LRRIQ1: variants seen among roughly 807,000 people sequenced by gnomAD.
LRRIQ1 encodes the protein leucine rich repeats and IQ motif containing 1.
A neutral mutation model predicts 211.9 loss-of-function variants in LRRIQ1; 210 were observed. That is an observed-to-expected ratio of 0.99 (90% CI 0.89 to 1.11). LRRIQ1 has a LOEUF of 1.11. Among genes scored for constraint, LRRIQ1 ranks in the 50% most tolerant of loss-of-function variants. The pLI, the probability that LRRIQ1 is intolerant of heterozygous loss-of-function variation, is 0.00. For missense variants in LRRIQ1, 2,136 were observed against 1,939.5 expected (o/e 1.10, Z -1.90); for synonymous variants, 699 against 650.1 (o/e 1.08, Z -1.14).
intron 18 of LRRIQ1, among the ~76,000 whole-genome samples, chr12:85,130,932 G>A (rs556063083): frequency 7.2e-5 from 11 of 152,048 alleles, no homozygotes; most frequent in South Asian, 2.1e-4. Context: ...ATGATAGGCC[G>A]GGCGCAGTGG....
At chr12:85,272,038 T>C in the LRRIQ1 span, among the ~76,000 whole-genome samples, 1 of 152,198 alleles carries the variant, frequency 6.6e-6, no homozygotes, top group African/African-American at 2.4e-5. Context: ...TGTTCACCTC[T>C]AGAACTAAAT....
intron 24 of LRRIQ1, among the ~76,000 whole-genome samples, chr12:85,210,552 A>C (rs1474001828): frequency 2.6e-5 from 4 of 152,188 alleles, no homozygotes; most frequent in African/African-American, 4.8e-5. Context: ...AATTTTTACA[A>C]ATTGAACACT....
chr12:85,188,112 T>C (rs1892318501), intron 24 of LRRIQ1, among the ~76,000 whole-genome samples: 1 of 151,844 alleles, frequency 6.6e-6, no homozygotes, highest in Admixed American at 6.6e-5. Flanking sequence ...TCCTCAGTAC[T>C]TAGAATAAGC....
chr12:85,112,177 G>A (rs1215682964), intron 15 of LRRIQ1, among the ~76,000 whole-genome samples: 1 of 151,786 alleles, frequency 6.6e-6, no homozygotes, highest in African/African-American at 2.4e-5. Flanking sequence ...TATATCCTTG[G>A]ATAGGACATT....
chr12:85,111,907 A>C (rs1887198807), intron 15 of LRRIQ1, among the ~76,000 whole-genome samples: 1 of 150,766 alleles, frequency 6.6e-6, no homozygotes, highest in South Asian at 2.1e-4. Context: ...CATATGTACC[A>C]TATATATGTA....
intron 8 of LRRIQ1, among the ~76,000 whole-genome samples, chr12:85,058,610 T>C (rs1881411804): frequency 6.6e-6 from 1 of 152,000 alleles, no homozygotes; most frequent in Admixed American, 6.6e-5. Flanking sequence ...AGCCTCTTTC[T>C]CCTTGGCATT....
Position 85,044,002 on chromosome 12 carries a change from A to G in LRRIQ1, c.245-716A>G, listed in dbSNP as rs1278709242. Among the ~76,000 whole-genome samples, 7 of 152,292 alleles carry G rather than the reference A, an allele frequency of 4.6e-5. No individual in the cohort carries two copies. The South Asian group carries it at 1.2e-3, about 27-fold the overall frequency. On this transcript the variant is annotated intron_variant, in intron 3 of 26. Coordinates refer to ENST00000393217, the MANE Select transcript of LRRIQ1 (RefSeq NM_001079910.2). ...CTCTCAGAAATCTAGCTGCAAAGGT[A>G]TCTGGATGATGTCATTTTTTTCTTT...
rs192529111 is a variant in LRRIQ1 at position 85,071,125 on chromosome 12, C to T, written c.2696-1782C>T. Among the ~76,000 whole-genome samples the T allele has an allele frequency of 2.2e-3, 334 of 151,992 alleles. 2 individuals are homozygous for T. Among genetic ancestry groups the T allele is most frequent in the African/African-American group, 7.9e-3 (327 of 41,522 alleles). On this transcript the variant is annotated intron_variant, in intron 10 of 26. Transcript: ENST00000393217. ...ATGAAAACTACATTAAAAAAGCATA[C>T]TCAAGATATTGTGCATTAGTCCATC...
At chr12:85,175,153 A>G (rs375512656) in intron 24 of LRRIQ1, among the ~76,000 whole-genome samples, 24 of 152,300 alleles carry the variant, frequency 1.6e-4, no homozygotes, top group African/African-American at 5.3e-4. Context: ...TTCCCTTGCA[A>G]TCTTGCTCAG....
At chr12:85,146,681 T>C (rs1280351436) in intron 19 of LRRIQ1, among the ~76,000 whole-genome samples, 1 of 151,806 alleles carries the variant, frequency 6.6e-6, no homozygotes, top group Non-Finnish European at 1.5e-5. Context: ...TCAATAGTTA[T>C]AACTTCACCA....
intron 11 of LRRIQ1, among the ~76,000 whole-genome samples, chr12:85,097,595 T>G (rs1488377023): frequency 6.6e-6 from 1 of 152,170 alleles, no homozygotes. Flanking sequence ...AACTCATCCT[T>G]TTTTATGGCT....
At chr12:85,044,857 A>G in intron 4 of LRRIQ1, 48 bp downstream of exon 4, 2 of 847,046 alleles carry the variant, frequency 2.4e-6, no homozygotes, top group East Asian at 2.7e-5. Flanking sequence ...ACAATTAGAA[A>G]TTTTCTCTCT....
chr12:85,258,615 C>G (rs1404922233), intron 1 of LRRIQ1, among the ~76,000 whole-genome samples: 1 of 151,914 alleles, frequency 6.6e-6, no homozygotes, highest in Non-Finnish European at 1.5e-5. Flanking sequence ...ATTGTAATAT[C>G]TACCTCAACC....
downstream of LRRIQ1, among the ~76,000 whole-genome samples, chr12:85,249,146 A>G (rs895243306): frequency 6.6e-6 from 1 of 151,780 alleles, no homozygotes; most frequent in African/African-American, 2.4e-5. Context: ...GATTTTTGTG[A>G]TAAAAACTTC....
intron 23 of LRRIQ1, 71 bp downstream of exon 23, chr12:85,154,165 T>G (rs1890411431): frequency 1.3e-6 from 1 of 787,400 alleles, no homozygotes; most frequent in Non-Finnish European, 1.9e-6. Context: ...AAAATATATT[T>G]TATAAATTAT....
chr12:85,058,657 G>A (rs931173331), intron 8 of LRRIQ1, among the ~76,000 whole-genome samples: 2 of 151,882 alleles, frequency 1.3e-5, no homozygotes, highest in Non-Finnish European at 2.9e-5. Flanking sequence ...TCTTTCGAAC[G>A]TTTGTCAATT....
intron 24 of LRRIQ1, among the ~76,000 whole-genome samples, chr12:85,168,745 T>C (rs1891271817): frequency 6.6e-6 from 1 of 152,162 alleles, no homozygotes; most frequent in Non-Finnish European, 1.5e-5. Flanking sequence ...CTGCAAAGTA[T>C]TGTCACCTAT....
chr12:85,148,785 A>G (rs1262856535), intron 19 of LRRIQ1, among the ~76,000 whole-genome samples: 3 of 151,868 alleles, frequency 2.0e-5, no homozygotes, highest in Admixed American at 6.6e-5. Flanking sequence ...AAGTGTTCCT[A>G]TTTCTCCACA....
At chr12:85,044,695 A>G in intron 3 of LRRIQ1, 23 bp from the exon 4 acceptor site, 4 of 1,212,904 alleles carry the variant, frequency 3.3e-6, no homozygotes, top group Non-Finnish European at 4.8e-6. Flanking sequence ...ATTGGAAGTT[A>G]TATACATTTT....
Sources: allele counts gnomAD v4.1 joint callset (sites outside exome capture counted in the v4.1 genomes callset), GRCh38; gene constraint gnomAD v4.1.1; transcripts MANE v1.5; gene names NCBI Gene and HGNC (gene_info 2026-07-23, HGNC 2026-07-21).